RARG: variants seen among roughly 807,000 people sequenced by gnomAD.
The protein encoded by RARG is retinoic acid receptor gamma, also known as RAR-gamma.
RARG carries 17 observed loss-of-function variants against 43.7 expected under a neutral mutation model. The observed-to-expected ratio is 0.39, with a 90% CI of 0.27 to 0.58. The LOEUF is 0.58. Among genes scored for constraint, RARG ranks in the 20% least tolerant of loss-of-function variants. The pLI is 0.57. For synonymous variants in RARG, 238 were observed against 236.4 expected (o/e 1.01, Z -0.06); for missense variants, 346 against 598.7 (o/e 0.58, Z 4.40).
intron 3 of RARG, among the ~76,000 whole-genome samples, chr12:53,223,331 G>A (rs1221460650): frequency 1.9e-4 from 1 of 5,356 alleles, no homozygotes; most frequent in African/African-American, 9.6e-4. Context: ...CCCACCTGAA[G>A]GGCAATGGGA....
intron 7 of RARG, 39 bp downstream of exon 7, chr12:53,214,020 T>A (rs1422213576): frequency 1.3e-6 from 2 of 1,585,072 alleles, no homozygotes; most frequent in South Asian, 1.1e-5. Context: ...GTCCCATATG[T>A]GGGTCGGGCT....
intron 3 of RARG, chr12:53,219,955 A>T: frequency 6.6e-7 from 1 of 1,514,786 alleles, no homozygotes; most frequent in Non-Finnish European, 8.9e-7. Context: ...CCTACATTGC[A>T]GGCTGGCGGG....
In RARG at chr12:53,211,871, GGAGA is replaced by G. The variant is rs763612260; in HGVS notation, c.1178-12_1178-9del. On this transcript the variant is annotated splice_polypyrimidine_tract_variant and intron_variant, in intron 9 of 9. Transcript: ENST00000425354. The surrounding 1 kb of genome is among the most constrained non-coding windows in gnomAD (Gnocchi z 4.6). ...TAATGGCCCTTTCAGCTCCTACAATGGAGAGAGAAAGAGAGAGGCTCAGGAGGAC... is the reference window on the plus strand; with the variant it reads ...TAATGGCCCTTTCAGCTCCTACAATGGAGAAAGAGAGAGGCTCAGGAGGAC... 3 of 1,432,024 alleles carry G rather than the reference GGAGA, an allele frequency of 2.1e-6. No homozygotes were observed. The highest frequency in any genetic ancestry group is 2.8e-6 in the Non-Finnish European group (3 of 1,077,856). The allele number at this position is 1,432,024 out of a possible 1,614,324, so 88.7% of individuals were successfully genotyped here.
chr12:53,226,725 C>T (rs1943115969), intron 3 of RARG, among the ~76,000 whole-genome samples: 2 of 151,930 alleles, frequency 1.3e-5, no homozygotes. Context: ...AATTCTCGTG[C>T]CTCAGCCTCC....
At chr12:53,231,083 G>A (rs1323488548) in intron 2 of RARG, 86 bp downstream of exon 2, 2 of 152,260 alleles carry the variant, frequency 1.3e-5, no homozygotes, top group Non-Finnish European at 1.5e-5. Context: ...CCTAAAGCGG[G>A]ACAGTCATCT....
intron 3 of RARG, among the ~76,000 whole-genome samples, chr12:53,224,543 C>A (rs1290628164): frequency 6.6e-6 from 1 of 152,042 alleles, no homozygotes; most frequent in South Asian, 2.1e-4. Flanking sequence ...GACAGCAGGT[C>A]GGAGAAATGA....
chr12:53,211,562 G>T lies in RARG; in HGVS notation c.*114C>A. On this transcript the variant is annotated 3_prime_UTR_variant, in exon 10 of 10. Transcript: ENST00000425354. This position sits in a 1 kb window ranked among gnomAD's most constrained non-coding sequence, Gnocchi z 4.6. ...TTTGGCAAAAACAAGGAGCTCATTG[G>T]AAGGGGTGGGGAGAGGGCAGAGCAG... is the stretch of plus-strand genomic sequence containing the variant. The T allele has an allele frequency of 9.7e-7, 1 of 1,029,212 alleles. No individual in the cohort carries two copies. The highest frequency in any genetic ancestry group is 1.3e-6 in the Non-Finnish European group (1 of 770,354). The allele number at this position is 1,029,212 out of a possible 1,614,324, so 63.8% of individuals were successfully genotyped here. A position where few individuals can be genotyped will look rare whatever the true frequency, so the allele number is the denominator to read the frequency against.
chr12:53,222,568 G>T (rs1376482637), intron 3 of RARG, among the ~76,000 whole-genome samples: 1 of 152,166 alleles, frequency 6.6e-6, no homozygotes, highest in Non-Finnish European at 1.5e-5. Flanking sequence ...AGGAGGAGTT[G>T]GGGGAGGGCT....
chr12:53,211,594 CCCCA>C lies in RARG; in HGVS notation c.*78_*81del. 1 of 1,243,852 alleles carries C rather than the reference CCCCA, an allele frequency of 8.0e-7. No homozygotes were observed. The highest frequency in any genetic ancestry group is 1.1e-6 in the Non-Finnish European group (1 of 948,774). The allele number at this position is 1,243,852 out of a possible 1,614,324, so 77.1% of individuals were successfully genotyped here. ...TGGGGAGAGGGCAGAGCAGGTCCTC[CCCCA>C]GTCACTGGCGGTCTGGGAGATGGTC... On this transcript the variant is annotated 3_prime_UTR_variant, in exon 10 of 10. Transcript: ENST00000425354. The surrounding 1 kb of genome is among the most constrained non-coding windows in gnomAD (Gnocchi z 4.6).
chr12:53,221,636 G>C (rs1009797366), intron 3 of RARG, among the ~76,000 whole-genome samples: 2 of 152,178 alleles, frequency 1.3e-5, no homozygotes, highest in Non-Finnish European at 2.9e-5. Flanking sequence ...TGGGCGGGGG[G>C]CTGGCCACGT....
At chr12:53,228,164 C>G (rs1169011722) in intron 2 of RARG, among the ~76,000 whole-genome samples, 1 of 152,150 alleles carries the variant, frequency 6.6e-6, no homozygotes, top group African/African-American at 2.4e-5. Context: ...TCTGTTATAA[C>G]CTGGGAGCCC....
intron 3 of RARG, chr12:53,220,399 G>T (rs1942923527): frequency 1.3e-5 from 2 of 154,296 alleles, no homozygotes; most frequent in African/African-American, 2.7e-5. Flanking sequence ...CTGGAGGGGT[G>T]GGGGGTGGGG....
intron 3 of RARG, among the ~76,000 whole-genome samples, chr12:53,226,730 G>A (rs1943116020): frequency 6.6e-6 from 1 of 151,704 alleles, no homozygotes; most frequent in South Asian, 2.1e-4. Context: ...TCGTGCCTCA[G>A]CCTCCCAAGT....
At chr12:53,221,729 C>G (rs11170485) in intron 3 of RARG, among the ~76,000 whole-genome samples, 34,381 of 151,166 alleles carry the variant, frequency 0.23, 6,055 homozygotes, top group African/African-American at 0.48. Context: ...CCCGGAAATC[C>G]CCCCCTCCCC....
intron 3 of RARG, among the ~76,000 whole-genome samples, chr12:53,216,418 CAG>C (rs2120636244): frequency 6.6e-6 from 1 of 152,280 alleles, no homozygotes; most frequent in African/African-American, 2.4e-5. Flanking sequence ...GAATAACCAT[CAG>C]AGACAGTGGA....
chr12:53,219,233 G>A (rs549753099), intron 3 of RARG, among the ~76,000 whole-genome samples: 4 of 152,336 alleles, frequency 2.6e-5, no homozygotes, highest in African/African-American at 9.6e-5. Flanking sequence ...ATAGGAAAAA[G>A]TAATCTCTGC....
chr12:53,222,680 G>C (rs780134435), intron 3 of RARG, among the ~76,000 whole-genome samples: 1 of 152,110 alleles, frequency 6.6e-6, no homozygotes, highest in Non-Finnish European at 1.5e-5. Flanking sequence ...CATGGAGGGG[G>C]TCCTTAGGAC....
intron 5 of RARG, 69 bp from the exon 6 acceptor site, chr12:53,214,675 C>G (rs1246529492): frequency 5.6e-6 from 8 of 1,431,786 alleles, no homozygotes; most frequent in Non-Finnish European, 7.6e-6. Flanking sequence ...CTCTCTCACC[C>G]TAATTTAATA....
intron 3 of RARG, among the ~76,000 whole-genome samples, chr12:53,221,096 T>C (rs1942946700): frequency 6.7e-6 from 1 of 149,384 alleles, no homozygotes; most frequent in Non-Finnish European, 1.5e-5. Context: ...CCGAGCGCGC[T>C]CACCTCCTCC....
Sources: gnomAD v4.1 joint callset for allele counts (sites outside exome capture counted in the v4.1 genomes callset) on GRCh38, gnomAD v4.1.1 for gene constraint, Gnocchi (gnomAD v3.1) non-coding constraint, MANE v1.5 for transcripts, NCBI Gene and HGNC (gene_info 2026-07-23, HGNC 2026-07-21) for gene names.